The following MGAT5B variants were observed in gnomAD, a reference collection of about 807,000 sequenced individuals.
MGAT5B encodes N-acetylglucosaminyl-transferase Vb.
MGAT5B carries 54 observed loss-of-function variants against 95.1 expected under a neutral mutation model. The observed-to-expected ratio is 0.57, with a 90% CI of 0.46 to 0.71. The LOEUF (loss-of-function observed/expected upper bound fraction) is 0.71. MGAT5B is among the 30% of genes least tolerant of loss of function. The pLI, the probability that MGAT5B is intolerant of heterozygous loss-of-function variation, is 0.00. For missense variants in MGAT5B, 935 were observed against 1,088.6 expected (o/e 0.86, Z 1.99); for synonymous variants, 464 against 451.0 (o/e 1.03, Z -0.36).
intron 15 of MGAT5B, among the ~76,000 whole-genome samples, chr17:76,943,786 G>A (rs1164195475): frequency 6.6e-6 from 1 of 152,124 alleles, no homozygotes; most frequent in Non-Finnish European, 1.5e-5. Flanking sequence ...GCTGGTGGAG[G>A]CTGAGAGCAA....
Position 76,906,414 on chromosome 17 carries a change from T to C in MGAT5B, c.1025+227T>C, listed in dbSNP as rs927341654. Among the ~76,000 whole-genome samples the C allele has an allele frequency of 6.6e-6, 1 of 152,210 alleles. No homozygotes were observed. The highest frequency in any genetic ancestry group is 2.4e-5 in the African/African-American group (1 of 41,464). Reference sequence around the variant, plus strand: ...GCAGGGAAGTGTATTTGCATAGCGCTGTCTGGCCAGGGCCTGGCTCCTTCT... The same window carrying C: ...GCAGGGAAGTGTATTTGCATAGCGCCGTCTGGCCAGGGCCTGGCTCCTTCT... On this transcript the variant is annotated intron_variant, in intron 8 of 17. Transcript: ENST00000569840. The surrounding 1 kb of genome is among the most constrained non-coding windows in gnomAD (Gnocchi z 4.6).
Position 76,915,562 on chromosome 17 carries a change from G to A in MGAT5B, c.1025+9375G>A, listed in dbSNP as rs144800295. ...ATATGGCAAAATGTTAAGGCTTGAT[G>A]AGGCTGGGAAGTGGGCGCATTGGAG... On this transcript the variant is annotated intron_variant, in intron 8 of 17. Transcript: ENST00000569840. This position sits in a 1 kb window ranked among gnomAD's most constrained non-coding sequence, Gnocchi z 8.7. Among the ~76,000 whole-genome samples, 551 of 152,270 alleles carry A rather than the reference G, an allele frequency of 3.6e-3. 3 individuals are homozygous for A. The highest frequency in any genetic ancestry group is 5.1e-3 in the African/African-American group (213 of 41,544).
chr17:76,875,425 G>A (rs1363942553), intron 2 of MGAT5B, among the ~76,000 whole-genome samples: 1 of 152,114 alleles, frequency 6.6e-6, no homozygotes, highest in Non-Finnish European at 1.5e-5. Context: ...AGAAGGACAT[G>A]TTTGCTTCCC....
At chr17:76,928,189 G>A (rs752966172) in intron 10 of MGAT5B, among the ~76,000 whole-genome samples, 3 of 152,032 alleles carry the variant, frequency 2.0e-5, no homozygotes, top group Non-Finnish European at 4.4e-5. Context: ...CAGCTCAGTC[G>A]GGACCAGACT....
intron 3 of MGAT5B, among the ~76,000 whole-genome samples, chr17:76,894,885 C>CA (rs113533138): frequency 2.1e-4 from 32 of 148,998 alleles, no homozygotes; most frequent in Non-Finnish European, 2.7e-4. Context: ...AAAAAAAAGG[C>CA]AAAAAAAAAG....
intron 8 of MGAT5B, among the ~76,000 whole-genome samples, chr17:76,913,210 C>T (rs1299449456): frequency 6.6e-6 from 1 of 152,176 alleles, no homozygotes; most frequent in Non-Finnish European, 1.5e-5. Flanking sequence ...GGGGAGGATC[C>T]CCAGAGAATG....
At chr17:76,894,716 G>A (rs142150253) in intron 3 of MGAT5B, among the ~76,000 whole-genome samples, 64 of 152,092 alleles carry the variant, frequency 4.2e-4, no homozygotes, top group East Asian at 3.5e-3. Flanking sequence ...TTAGCTGGGC[G>A]TTGTGGTGCA....
In MGAT5B at chr17:76,948,965, T is replaced by G. The variant is rs1970123255; in HGVS notation, c.*127T>G. 18 of 1,121,448 alleles carry G rather than the reference T, an allele frequency of 1.6e-5. No individual in the cohort carries two copies. Among genetic ancestry groups the G allele is most frequent in the Non-Finnish European group, 2.2e-5 (18 of 807,514 alleles). The allele number at this position is 1,121,448 out of a possible 1,614,324, so 69.5% of individuals were successfully genotyped here. Reference sequence around the variant, plus strand: ...CCCCCCCAGGCCGGAGCTTCCTTCCTTAGCCGGGAAGCTGGCAGAGGAGAG... The same window carrying G: ...CCCCCCCAGGCCGGAGCTTCCTTCCGTAGCCGGGAAGCTGGCAGAGGAGAG... On this transcript the variant is annotated 3_prime_UTR_variant, in exon 18 of 18. Coordinates refer to ENST00000569840, the MANE Select transcript of MGAT5B (RefSeq NM_001199172.2).
intron 10 of MGAT5B, among the ~76,000 whole-genome samples, chr17:76,931,478 TA>T (rs1555598924): frequency 6.6e-6 from 1 of 152,130 alleles, no homozygotes; most frequent in Non-Finnish European, 1.5e-5. Flanking sequence ...ATAAAGCTGT[TA>T]GGGGACAATG....
At chr17:76,891,913 T>C (rs753238611) in intron 3 of MGAT5B, among the ~76,000 whole-genome samples, 1 of 151,880 alleles carries the variant, frequency 6.6e-6, no homozygotes, top group Non-Finnish European at 1.5e-5. Context: ...GAACACAGGG[T>C]TGTTCCTCTT....
chr17:76,927,813 C>T (rs891021115), intron 10 of MGAT5B, among the ~76,000 whole-genome samples: 1 of 152,238 alleles, frequency 6.6e-6, no homozygotes, highest in Admixed American at 6.5e-5. Context: ...CAGCATCTTG[C>T]GTGTGGCTCT....
chr17:76,897,665 CTTTCTTTCTTTCTTTCTTTCT>C (rs1968117161), intron 3 of MGAT5B, among the ~76,000 whole-genome samples: 2 of 51,180 alleles, frequency 3.9e-5, no homozygotes, highest in Non-Finnish European at 6.6e-5. Flanking sequence ...AGGCCACTTT[CTTTCTTTCTTTCTTTCTTTCT>C]TTCTTTCTTT....
At position 76,933,382 on chromosome 17, in the gene MGAT5B, A is replaced by G; in HGVS notation, c.1428+85A>G. The G allele has an allele frequency of 3.2e-6, 5 of 1,544,556 alleles. No individual in the cohort carries two copies. In the South Asian group the frequency reaches 5.7e-5, roughly 17 times the overall value. On this transcript the variant is annotated intron_variant, in intron 12 of 17. Transcript: ENST00000569840. ...GCCACTCCAGGGGTCTCTCCTTGTG[A>G]TGTTCTCCTGACTCAGGCTCTCTGG...
chr17:76,947,384 A>G (rs1970064069), intron 16 of MGAT5B, among the ~76,000 whole-genome samples: 1 of 152,148 alleles, frequency 6.6e-6, no homozygotes, highest in African/African-American at 2.4e-5. Context: ...CCCAGACTGG[A>G]AGCTCACAGA....
chr17:76,921,740 G>A (rs571120833), intron 8 of MGAT5B, among the ~76,000 whole-genome samples: 52 of 152,274 alleles, frequency 3.4e-4, no homozygotes, highest in Non-Finnish European at 5.1e-4. Flanking sequence ...GGGAAGCCTC[G>A]GAAAGGGTCA....
rs956014492 is a variant in MGAT5B, at chr17:76,940,330, C to G, written c.1585-72C>G. Reference sequence around the variant, plus strand: ...GAATATCCCGAAGCCTCACCTTGTCCCCGGCATCCTGGTGCTTACTGGGCT... The same window carrying G: ...GAATATCCCGAAGCCTCACCTTGTCGCCGGCATCCTGGTGCTTACTGGGCT... On this transcript the variant is annotated intron_variant, in intron 13 of 17. Coordinates refer to ENST00000569840, the MANE Select transcript of MGAT5B (RefSeq NM_001199172.2). The surrounding 1 kb of genome is among the most constrained non-coding windows in gnomAD (Gnocchi z 4.3). 2.0e-6 allele frequency: 3 copies of G among 1,482,128 alleles called. No individual in the cohort carries two copies. The Admixed American group carries it at 7.0e-5, about 35-fold the overall frequency. The allele number at this position is 1,482,128 out of a possible 1,614,324, so 91.8% of individuals were successfully genotyped here.
Position 76,919,163 on chromosome 17 carries a change from C to T in MGAT5B, c.1026-5803C>T, listed in dbSNP as rs8064958. Among the ~76,000 whole-genome samples, 643 of 152,274 alleles carry T rather than the reference C, an allele frequency of 4.2e-3. 10 individuals are homozygous for T. The highest frequency in any genetic ancestry group is 0.015 in the African/African-American group (624 of 41,540). ...AGAATTCAGCATTTGAATTCCTAGC[C>T]GAGGGTTTCTTCTATTAAGTGAAGG... On this transcript the variant is annotated intron_variant, in intron 8 of 17. Coordinates refer to ENST00000569840, the MANE Select transcript of MGAT5B (RefSeq NM_001199172.2).
At chr17:76,907,897 T>C (rs543569108) in intron 8 of MGAT5B, among the ~76,000 whole-genome samples, 2 of 152,358 alleles carry the variant, frequency 1.3e-5, no homozygotes, top group East Asian at 3.9e-4. Flanking sequence ...GGCATGATGA[T>C]GTCTTATTAT....
chr17:76,914,170 A>G lies in MGAT5B; in HGVS notation c.1025+7983A>G. ...AGGAAGGAGAGAGAGAAAGAAAGAG[A>G]ATTTGGCCACAAAGATGTCATTGCT... On this transcript the variant is annotated intron_variant, in intron 8 of 17. Transcript: ENST00000569840. This position sits in a 1 kb window ranked among gnomAD's most constrained non-coding sequence, Gnocchi z 5.1. 5.5e-6 allele frequency: 1 copy of G among 183,206 alleles called. No individual in the cohort carries two copies. Among genetic ancestry groups the G allele is most frequent in the Non-Finnish European group, 1.2e-5 (1 of 86,632 alleles). 11.3% of individuals were successfully genotyped at this position (183,206 alleles called of 1,614,324 possible).
Sources: gnomAD v4.1 joint callset for allele counts (sites outside exome capture counted in the v4.1 genomes callset) on GRCh38, gnomAD v4.1.1 for gene constraint, Gnocchi (gnomAD v3.1) non-coding constraint, MANE v1.5 for transcripts, NCBI Gene and HGNC (gene_info 2026-07-23, HGNC 2026-07-21) for gene names.